The following ANKH variants were observed in gnomAD, a reference collection of about 807,000 sequenced individuals.
ANKH encodes ANKH inorganic pyrophosphate transport regulator, also known as mineralization regulator ANKH.
In ANKH, 15 loss-of-function variants were observed where a neutral mutation model predicts 49.0. That is an observed-to-expected ratio of 0.31 (90% CI 0.20 to 0.47). The LOEUF (loss-of-function observed/expected upper bound fraction) is 0.47, where lower values mean the gene tolerates loss of function less well. Among genes scored for constraint, ANKH ranks in the 20% least tolerant of loss-of-function variants. ANKH has a pLI of 1.00. For synonymous variants in ANKH, 273 were observed against 260.0 expected (o/e 1.05, Z -0.48); for missense variants, 429 against 652.0 (o/e 0.66, Z 3.72).
intron 1 of ANKH, among the ~76,000 whole-genome samples, chr5:14,821,158 C>T (rs1050105332): frequency 1.3e-5 from 2 of 151,900 alleles, no homozygotes; most frequent in East Asian, 1.9e-4. Context: ...TATTAAAGCC[C>T]GACATCATAT....
At chr5:14,809,335 T>TAAAAAAAAAAAAAAA (rs36119317) in intron 1 of ANKH, among the ~76,000 whole-genome samples, 209 of 80,592 alleles carry the variant, frequency 2.6e-3, no homozygotes, top group Middle Eastern at 0.01. Flanking sequence ...TAGAGTATAA[T>TAAAAAAAAAAAAAAA]AAAAAAAAAA....
chr5:14,775,644 G>A (rs1469878890), intron 1 of ANKH, among the ~76,000 whole-genome samples: 1 of 152,172 alleles, frequency 6.6e-6, no homozygotes. Context: ...AGTGAGCCAG[G>A]TGCATAAAGA....
In ANKH at chr5:14,751,306, G is replaced by A. The variant is rs1738709709; in HGVS notation, c.517-67C>T. 4 of 1,525,180 alleles carry A rather than the reference G, an allele frequency of 2.6e-6. No homozygotes were observed. In the South Asian group the frequency reaches 3.4e-5, roughly 13 times the overall value. 94.5% of individuals were successfully genotyped at this position (1,525,180 alleles called of 1,614,324 possible). On this transcript the variant is annotated intron_variant, in intron 4 of 11. Transcript: ENST00000284268. ...GGGAACCGACTGACAGAAGCACAGG[G>A]GCACGCTCTTGAACCTGAGACAGAC...
At chr5:14,844,315 C>G (rs1741896939) in intron 1 of ANKH, among the ~76,000 whole-genome samples, 1 of 152,168 alleles carries the variant, frequency 6.6e-6, no homozygotes, top group Non-Finnish European at 1.5e-5. Context: ...TTTCACTTGC[C>G]AAGTTTCTCT....
chr5:14,860,762 T>C (rs1735459994), intron 1 of ANKH, among the ~76,000 whole-genome samples: 1 of 152,156 alleles, frequency 6.6e-6, no homozygotes, highest in African/African-American at 2.4e-5. Context: ...ATTTTTATTT[T>C]ATTATTAATT....
intron 8 of ANKH, among the ~76,000 whole-genome samples, chr5:14,719,969 T>C (rs554377663): frequency 6.6e-6 from 1 of 152,228 alleles, no homozygotes; most frequent in Non-Finnish European, 1.5e-5. Flanking sequence ...GATTCTTCTC[T>C]ACAATAAAAC....
At chr5:14,764,699 T>C (rs1191225706) in intron 2 of ANKH, among the ~76,000 whole-genome samples, 2 of 152,240 alleles carry the variant, frequency 1.3e-5, no homozygotes, top group Non-Finnish European at 2.9e-5. Context: ...GTTTAAATTA[T>C]GGCAAATTAT....
chr5:14,715,200 C>A (rs1318669634), intron 9 of ANKH, among the ~76,000 whole-genome samples: 1 of 152,174 alleles, frequency 6.6e-6, no homozygotes, highest in East Asian at 1.9e-4. Flanking sequence ...GGTGCAATCT[C>A]GACTCACTGC....
At chr5:14,793,027 T>TAA (rs1561057813) in intron 1 of ANKH, among the ~76,000 whole-genome samples, 1 of 88,108 alleles carries the variant, frequency 1.1e-5, no homozygotes, top group East Asian at 4.2e-4. Flanking sequence ...TATAAATATA[T>TAA]ATATATAAAA....
intron 1 of ANKH, among the ~76,000 whole-genome samples, chr5:14,860,141 C>G (rs1009336013): frequency 6.6e-6 from 1 of 152,318 alleles, no homozygotes; most frequent in Admixed American, 6.5e-5. Flanking sequence ...ACGCCAGGCT[C>G]CAGGCCAGGT....
chr5:14,741,091 G>GT (rs1398695292), intron 8 of ANKH, among the ~76,000 whole-genome samples: 3 of 152,160 alleles, frequency 2.0e-5, no homozygotes, highest in African/African-American at 7.2e-5. Context: ...TAAACGGTAA[G>GT]TTTTTTGCCA....
At chr5:14,785,793 G>A (rs987524352) in intron 1 of ANKH, among the ~76,000 whole-genome samples, 1 of 151,972 alleles carries the variant, frequency 6.6e-6, no homozygotes, top group Admixed American at 6.6e-5. Context: ...GGTGGCTCAC[G>A]CCTGTAATCC....
intron 1 of ANKH, among the ~76,000 whole-genome samples, chr5:14,827,841 T>G (rs906549022): frequency 6.6e-6 from 1 of 152,244 alleles, no homozygotes; most frequent in African/African-American, 2.4e-5. Flanking sequence ...AGATTATCTT[T>G]TATTTCAGAG....
At chr5:14,860,989 G>C (rs1237798017) in intron 1 of ANKH, among the ~76,000 whole-genome samples, 1 of 152,048 alleles carries the variant, frequency 6.6e-6, no homozygotes, top group Non-Finnish European at 1.5e-5. Flanking sequence ...CACCATGTTG[G>C]TCAGGCTGGC....
At chr5:14,765,079 C>A (rs1171160918) in intron 2 of ANKH, among the ~76,000 whole-genome samples, 1 of 152,196 alleles carries the variant, frequency 6.6e-6, no homozygotes, top group Non-Finnish European at 1.5e-5. Context: ...CAACCACTGG[C>A]CTAAATGAAG....
chr5:14,724,983 G>A (rs1737781075), intron 8 of ANKH, among the ~76,000 whole-genome samples: 1 of 152,058 alleles, frequency 6.6e-6, no homozygotes, highest in Non-Finnish European at 1.5e-5. Context: ...AACATATGCA[G>A]CTGTTTTGAA....
chr5:14,767,811 TC>T (rs1739303882), intron 2 of ANKH, among the ~76,000 whole-genome samples: 1 of 152,220 alleles, frequency 6.6e-6, no homozygotes, highest in Non-Finnish European at 1.5e-5. Context: ...GTACATGTAT[TC>T]TTTGAAAATG....
intron 1 of ANKH, among the ~76,000 whole-genome samples, chr5:14,827,844 T>C (rs1003519747): frequency 2.6e-5 from 4 of 152,202 alleles, no homozygotes; most frequent in Non-Finnish European, 5.9e-5. Context: ...TTATCTTTTA[T>C]TTCAGAGGCC....
chr5:14,858,442 T>C (rs746914297), intron 1 of ANKH, among the ~76,000 whole-genome samples: 9 of 152,096 alleles, frequency 5.9e-5, no homozygotes, highest in Non-Finnish European at 1.2e-4. Flanking sequence ...TAGTGCCAGA[T>C]GTGGTGGCTC....
Sources: gnomAD v4.1 joint callset for allele counts (sites outside exome capture counted in the v4.1 genomes callset) on GRCh38, gnomAD v4.1.1 for gene constraint, MANE v1.5 for transcripts, NCBI Gene and HGNC (gene_info 2026-07-23, HGNC 2026-07-21) for gene names.